SRPK2: variants seen among roughly 807,000 people sequenced by gnomAD.
SRPK2 encodes SFRS protein kinase 2.
SRPK2 carries 21 observed loss-of-function variants against 90.8 expected under a neutral mutation model. That is an observed-to-expected ratio of 0.23 (90% CI 0.16 to 0.33). The LOEUF is 0.33. Among genes scored for constraint, SRPK2 ranks in the 10% least tolerant of loss-of-function variants. The pLI, the probability that SRPK2 is intolerant of heterozygous loss-of-function variation, is 1.00. For synonymous variants in SRPK2, 288 were observed against 311.1 expected, an observed-to-expected ratio of 0.93 and a Z score of 0.78; for missense variants, 620 against 869.0, an observed-to-expected ratio of 0.71 and a Z score of 3.60.
intron 2 of SRPK2, among the ~76,000 whole-genome samples, chr7:105,271,591 T>C (rs750348963): frequency 1.1e-4 from 17 of 152,192 alleles, no homozygotes; most frequent in Non-Finnish European, 2.4e-4. Context: ...TTAACTGATT[T>C]CCATTCCACC....
At chr7:105,315,935 G>A (rs1812259894) in intron 2 of SRPK2, among the ~76,000 whole-genome samples, 1 of 151,464 alleles carries the variant, frequency 6.6e-6, no homozygotes. Context: ...ATTTTCTGTA[G>A]TTACTACCTG....
chr7:105,388,932 C>CGCT, upstream of SRPK2: 1 of 1,194,154 alleles, frequency 8.4e-7, no homozygotes, highest in African/African-American at 1.6e-5. Flanking sequence ...GCGCCGCCGC[C>CGCT]GCCGCCGCCG....
intron 15 of SRPK2, among the ~76,000 whole-genome samples, chr7:105,125,087 G>A (rs533357634): frequency 4.4e-4 from 58 of 133,256 alleles, no homozygotes; most frequent in Non-Finnish European, 6.9e-4. Context: ...CTAAGATTGC[G>A]CCACTCCACT....
intron 2 of SRPK2, among the ~76,000 whole-genome samples, chr7:105,331,231 C>T (rs899926911): frequency 7.2e-6 from 1 of 138,130 alleles, no homozygotes; most frequent in Admixed American, 7.9e-5. Context: ...ATCACTTGAA[C>T]CTCGGAGGCA....
chr7:105,249,758 T>C (rs1464267832), intron 2 of SRPK2, among the ~76,000 whole-genome samples: 2 of 152,220 alleles, frequency 1.3e-5, no homozygotes, highest in Admixed American at 6.5e-5. Context: ...CAAGCAATAA[T>C]AGTTAAATGC....
chr7:105,176,602 T>C (rs1225321228), intron 3 of SRPK2, among the ~76,000 whole-genome samples: 1 of 91,634 alleles, frequency 1.1e-5, no homozygotes, highest in Non-Finnish European at 2.1e-5. Context: ...TGTGTGTGTG[T>C]GTGTGTGTAT....
rs11350866 is a variant in SRPK2 at position 105,327,067 on chromosome 7, CAA to C, written c.71+61579_71+61580del. Among the ~76,000 whole-genome samples, 194 of 123,266 alleles carry C rather than the reference CAA, an allele frequency of 1.6e-3. 1 individual carries two copies. Among genetic ancestry groups the C allele is most frequent in the Middle Eastern group, 4.3e-3 (1 of 232 alleles). 80.9% of individuals were successfully genotyped at this position (123,266 alleles called of 152,430 possible). ...GGGCGACAAGAGCAAAACTCCGTAT[CAA>C]AAAAAAAAAAAAAAAAATTCAAGGT... On this transcript the variant is annotated intron_variant, in intron 2 of 15. Coordinates refer to ENST00000393651, the MANE Select transcript of SRPK2 (RefSeq NM_182692.3).
At position 105,329,515 on chromosome 7, in the gene SRPK2, A is replaced by G. The variant is rs943561962; in HGVS notation, c.71+59133T>C. Among the ~76,000 whole-genome samples, 9 of 151,110 alleles carry G rather than the reference A, an allele frequency of 6.0e-5. No individual in the cohort carries two copies. The East Asian group carries it at 1.2e-3, about 20-fold the overall frequency. ...GGCTGAGGTGGGGAGAATCACTTGA[A>G]CCTGGGAGGTGGAGGCTGCAGTGAG... is the stretch of plus-strand genomic sequence containing the variant. On this transcript the variant is annotated intron_variant, in intron 2 of 15. Transcript: ENST00000393651.
At chr7:105,275,185 C>T (rs1806329172) in intron 2 of SRPK2, among the ~76,000 whole-genome samples, 2 of 152,316 alleles carry the variant, frequency 1.3e-5, no homozygotes, top group East Asian at 1.9e-4. Context: ...AGCACCCAGC[C>T]AGTGATTGGC....
intron 2 of SRPK2, among the ~76,000 whole-genome samples, chr7:105,262,257 G>A (rs949774366): frequency 1.1e-4 from 16 of 152,098 alleles, no homozygotes; most frequent in Admixed American, 9.8e-4. Context: ...GTCTTTCATT[G>A]GAAACTAACA....
At chr7:105,358,156 G>C (rs533211631) in intron 2 of SRPK2, among the ~76,000 whole-genome samples, 1 of 136,924 alleles carries the variant, frequency 7.3e-6, no homozygotes, top group East Asian at 2.2e-4. Flanking sequence ...CCCGGGAGGC[G>C]AAGGTTGCAG....
chr7:105,383,303 G>A (rs1173810624), intron 2 of SRPK2, among the ~76,000 whole-genome samples: 2 of 151,080 alleles, frequency 1.3e-5, no homozygotes, highest in East Asian at 3.9e-4. Context: ...TCCTGACCTC[G>A]TGATCTGCCC....
intron 2 of SRPK2, among the ~76,000 whole-genome samples, chr7:105,257,557 C>T (rs1803502741): frequency 6.6e-6 from 1 of 152,200 alleles, no homozygotes; most frequent in Non-Finnish European, 1.5e-5. Flanking sequence ...GAACAACTCT[C>T]ACTTTGGTGC....
At chr7:105,114,749 A>C (rs2129570406), downstream of SRPK2, among the ~76,000 whole-genome samples, 1 of 152,324 alleles carries the variant, frequency 6.6e-6, no homozygotes, top group South Asian at 2.1e-4. Context: ...ATGTTTTTAC[A>C]CTTTGAACCT....
At chr7:105,260,812 T>C (rs1340954879) in intron 2 of SRPK2, among the ~76,000 whole-genome samples, 1 of 149,382 alleles carries the variant, frequency 6.7e-6, no homozygotes, top group Non-Finnish European at 1.5e-5. Context: ...ATGTTCTCAC[T>C]CGTAGGTGGG....
At chr7:105,339,321 G>T (rs974714620) in intron 2 of SRPK2, among the ~76,000 whole-genome samples, 1 of 152,124 alleles carries the variant, frequency 6.6e-6, no homozygotes, top group African/African-American at 2.4e-5. Context: ...TAGTTTTGGG[G>T]TTCTTAAATC....
chr7:105,185,536 G>A (rs192657721), intron 3 of SRPK2, among the ~76,000 whole-genome samples: 4 of 152,072 alleles, frequency 2.6e-5, no homozygotes, highest in Admixed American at 6.5e-5. Flanking sequence ...TGTATGTTAC[G>A]TTCTCTTGTC....
chr7:105,275,168 G>A (rs186131902), intron 2 of SRPK2, among the ~76,000 whole-genome samples: 1 of 152,274 alleles, frequency 6.6e-6, no homozygotes, highest in Non-Finnish European at 1.5e-5. Flanking sequence ...GTATAAGCAT[G>A]AGCCACAGCA....
chr7:105,154,863 TG>T (rs1474097119), intron 7 of SRPK2, among the ~76,000 whole-genome samples: 3 of 151,016 alleles, frequency 2.0e-5, no homozygotes, highest in South Asian at 4.2e-4. Flanking sequence ...TTAGTAGAGA[TG>T]GGGTTTCACC....
Sources: gnomAD v4.1 joint callset for allele counts (sites outside exome capture counted in the v4.1 genomes callset) on GRCh38, gnomAD v4.1.1 for gene constraint, MANE v1.5 for transcripts, NCBI Gene and HGNC (gene_info 2026-07-23, HGNC 2026-07-21) for gene names.